VEGFC: variants seen among roughly 807,000 people sequenced by gnomAD.
VEGFC encodes the protein vascular endothelial growth factor C, also known as FLT4 ligand DHM.
Under a neutral mutation model 46.1 loss-of-function variants are expected in VEGFC, and 12 were observed. The observed-to-expected ratio is 0.26, with a 90% CI of 0.17 to 0.42. The LOEUF (loss-of-function observed/expected upper bound fraction) is 0.42. VEGFC is among the 10% of genes least tolerant of loss of function. The pLI, the probability that VEGFC is intolerant of heterozygous loss-of-function variation, is 1.00. For missense variants in VEGFC, 488 were observed against 529.4 expected (o/e 0.92, Z 0.77); for synonymous variants, 232 against 195.5 (o/e 1.19, Z -1.56).
intron 1 of VEGFC, among the ~76,000 whole-genome samples, chr4:176,783,942 C>T (rs1735955241): frequency 6.6e-6 from 1 of 151,982 alleles, no homozygotes; most frequent in Non-Finnish European, 1.5e-5. Context: ...GGACATAGTA[C>T]TTACATGCTA....
intron 1 of VEGFC, among the ~76,000 whole-genome samples, chr4:176,739,953 CTATATATTCGATATATCGAATATAT>C (rs1735127896): frequency 1.4e-4 from 3 of 20,802 alleles, no homozygotes; most frequent in Admixed American, 7.2e-4. Flanking sequence ...ATATATATAA[CTATATATTCGATATATCGAATATAT>C]ATAACTATAT....
intron 1 of VEGFC, among the ~76,000 whole-genome samples, chr4:176,749,353 A>G (rs1420389521): frequency 6.6e-6 from 1 of 151,986 alleles, no homozygotes; most frequent in African/African-American, 2.4e-5. Context: ...GAAAAAATCA[A>G]TTTGAGATTA....
intron 1 of VEGFC, among the ~76,000 whole-genome samples, chr4:176,732,730 C>A (rs1734988467): frequency 6.6e-6 from 1 of 150,792 alleles, no homozygotes; most frequent in Non-Finnish European, 1.5e-5. Context: ...CTTCAGAGAG[C>A]TTTTTTTTCA....
intron 4 of VEGFC, among the ~76,000 whole-genome samples, chr4:176,689,875 G>C (rs1196576259): frequency 2.6e-5 from 4 of 152,166 alleles, no homozygotes; most frequent in Non-Finnish European, 5.9e-5. Flanking sequence ...ATTTTATCAA[G>C]AGAGTTTGTC....
At chr4:176,717,431 C>T (rs1289242503) in intron 3 of VEGFC, among the ~76,000 whole-genome samples, 2 of 152,124 alleles carry the variant, frequency 1.3e-5, no homozygotes, top group Non-Finnish European at 2.9e-5. Flanking sequence ...CAAGAATGGA[C>T]TTCAAATAAA....
At chr4:176,721,754 A>G (rs932626656) in intron 3 of VEGFC, among the ~76,000 whole-genome samples, 1 of 152,208 alleles carries the variant, frequency 6.6e-6, no homozygotes, top group Non-Finnish European at 1.5e-5. Flanking sequence ...GTGGTAGGGA[A>G]TAGGTTCTAA....
intron 1 of VEGFC, among the ~76,000 whole-genome samples, chr4:176,733,442 T>C (rs1422777907): frequency 2.0e-5 from 3 of 151,928 alleles, no homozygotes; most frequent in African/African-American, 7.2e-5. Flanking sequence ...AGACTACTAC[T>C]GATATCTGCC....
intron 3 of VEGFC, among the ~76,000 whole-genome samples, chr4:176,724,949 G>C (rs914278045): frequency 1.5e-4 from 23 of 152,102 alleles, no homozygotes; most frequent in African/African-American, 5.1e-4. Context: ...GAGGATGGTT[G>C]AGGGGTACAA....
chr4:176,755,364 C>CT (rs1184273760), intron 1 of VEGFC, among the ~76,000 whole-genome samples: 1 of 152,026 alleles, frequency 6.6e-6, no homozygotes, highest in Non-Finnish European at 1.5e-5. Flanking sequence ...TTTAACAAGA[C>CT]TTTTTGTATA....
rs772623279 is a variant in VEGFC at position 176,792,276 on chromosome 4, A to T, written c.36T>A (p.Ser12=). The change falls in exon 1 of 7, where the codon TCT becomes TCA. Residue 12 remains serine, a synonymous_variant. Transcript: ENST00000618562. This position sits in a 1 kb window ranked among gnomAD's most constrained non-coding sequence, Gnocchi z 6.3. Reference sequence around the variant, plus strand: ...CCGGGAGCAGCGCAGCGGCGAGCAGAGAACACGCCACAGAGAAGAAGCCCA... The same window carrying T: ...CCGGGAGCAGCGCAGCGGCGAGCAGTGAACACGCCACAGAGAAGAAGCCCA... The part of the protein sequence containing the change: ...HLLGFFSVAC[S]LLAAALLPGP... 7.1e-4 allele frequency: 1,096 copies of T among 1,547,260 alleles called. 9 individuals are homozygous for T. In the Middle Eastern group the frequency reaches 9.5e-3, roughly 13 times the overall value.
intron 1 of VEGFC, among the ~76,000 whole-genome samples, chr4:176,787,051 A>G (rs1247035578): frequency 1.1e-4 from 17 of 152,328 alleles, no homozygotes; most frequent in Admixed American, 1.1e-3. Context: ...CATCATGTAA[A>G]TAAATACATT....
At chr4:176,726,345 T>A (rs1734872832) in intron 3 of VEGFC, among the ~76,000 whole-genome samples, 1 of 152,122 alleles carries the variant, frequency 6.6e-6, no homozygotes, top group Non-Finnish European at 1.5e-5. Flanking sequence ...CAGAATGAAT[T>A]GCATCTGGCT....
chr4:176,788,689 G>T (rs1191688735), intron 1 of VEGFC, among the ~76,000 whole-genome samples: 1 of 152,156 alleles, frequency 6.6e-6, no homozygotes, highest in Non-Finnish European at 1.5e-5. Flanking sequence ...CCCAGGAAAA[G>T]ATCAAAATTC....
intron 3 of VEGFC, among the ~76,000 whole-genome samples, chr4:176,725,630 A>G (rs574377367): frequency 3.3e-5 from 5 of 152,342 alleles, no homozygotes; most frequent in Admixed American, 6.5e-5. Context: ...TAAATCAAAT[A>G]CCATATTAGG....
intron 4 of VEGFC, among the ~76,000 whole-genome samples, chr4:176,690,624 T>C (rs552370019): frequency 8.3e-5 from 9 of 108,318 alleles, no homozygotes; most frequent in African/African-American, 2.3e-4. Context: ...CAAAACAGTA[T>C]CATTGTTTTT....
intron 4 of VEGFC, among the ~76,000 whole-genome samples, chr4:176,705,401 T>C (rs1734516282): frequency 6.6e-6 from 1 of 152,208 alleles, no homozygotes; most frequent in Non-Finnish European, 1.5e-5. Context: ...TCTAACTCTG[T>C]CTGCTAAAGA....
At chr4:176,788,845 C>T (rs111578429) in intron 1 of VEGFC, among the ~76,000 whole-genome samples, 1 of 152,118 alleles carries the variant, frequency 6.6e-6, no homozygotes, top group Non-Finnish European at 1.5e-5. Context: ...AAAAAAACAT[C>T]TATTCTTTTT....
intron 4 of VEGFC, among the ~76,000 whole-genome samples, chr4:176,707,815 T>C (rs1244431301): frequency 6.6e-6 from 1 of 152,182 alleles, no homozygotes; most frequent in Non-Finnish European, 1.5e-5. Flanking sequence ...GATTTTCTCT[T>C]AATTGACTGA....
At chr4:176,768,112 A>G (rs1395122132) in intron 1 of VEGFC, among the ~76,000 whole-genome samples, 1 of 152,174 alleles carries the variant, frequency 6.6e-6, no homozygotes, top group African/African-American at 2.4e-5. Flanking sequence ...AGCAAATTTG[A>G]TCAGAAACGG....
Sources: gnomAD v4.1 joint callset for allele counts (sites outside exome capture counted in the v4.1 genomes callset) on GRCh38, gnomAD v4.1.1 for gene constraint, Gnocchi (gnomAD v3.1) non-coding constraint, MANE v1.5 for transcripts, NCBI Gene and HGNC (gene_info 2026-07-23, HGNC 2026-07-21) for gene names.